Variants in TCTN3 observed in about 807,000 individuals in gnomAD.
The protein encoded by TCTN3 is tectonic-3.
TCTN3 carries 57 observed loss-of-function variants against 71.3 expected under a neutral mutation model. The ratio of observed to expected loss-of-function variants is 0.80; its 90% CI spans 0.65 to 1.00. TCTN3 has a LOEUF of 1.00. TCTN3 is among the 50% of genes least tolerant of loss of function. The pLI, the probability that TCTN3 is intolerant of heterozygous loss-of-function variation, is 0.00. For synonymous variants in TCTN3, 258 were observed against 267.8 expected, an observed-to-expected ratio of 0.96 and a Z score of 0.36; for missense variants, 696 against 719.9, an observed-to-expected ratio of 0.97 and a Z score of 0.38.
chr10:95,683,422 C>T, intron 10 of TCTN3, 100 bp downstream of exon 10: 1 of 1,590,476 alleles, frequency 6.3e-7, no homozygotes, highest in Admixed American at 1.8e-5. Flanking sequence ...TTATAATGAA[C>T]AAAAAATTCC....
At chr10:95,675,972 T>C (rs980976737) in intron 13 of TCTN3, among the ~76,000 whole-genome samples, 5 of 152,234 alleles carry the variant, frequency 3.3e-5, no homozygotes, top group Admixed American at 3.3e-4. Flanking sequence ...TAGTGTTAAA[T>C]AGATTCTCTC....
At chr10:95,672,930 T>A (rs2097933146) in intron 13 of TCTN3, among the ~76,000 whole-genome samples, 1 of 151,268 alleles carries the variant, frequency 6.6e-6, no homozygotes, top group Non-Finnish European at 1.5e-5. Flanking sequence ...TGACCTCAAG[T>A]GATCCGCTCA....
At chr10:95,682,475 C>T (rs553057096) in intron 12 of TCTN3, among the ~76,000 whole-genome samples, 176 bp downstream of exon 12, 15 of 151,606 alleles carry the variant, frequency 9.9e-5, no homozygotes, top group East Asian at 1.9e-4. Flanking sequence ...GCCAGGGCAA[C>T]ACAGTGAGAC....
chr10:95,679,917 A>C (rs1204718148), intron 13 of TCTN3, among the ~76,000 whole-genome samples: 1 of 152,204 alleles, frequency 6.6e-6, no homozygotes. Context: ...TGAAAATACC[A>C]TGTTTTTAAA....
In TCTN3 at chr10:95,672,844, C is replaced by T. The variant is rs919319379; in HGVS notation, c.1590+7628G>A. Among the ~76,000 whole-genome samples the T allele has an allele frequency of 2.0e-5, 3 of 151,936 alleles. No homozygotes were observed. In the East Asian group the frequency reaches 5.8e-4, roughly 29 times the overall value. On this transcript the variant is annotated intron_variant, in intron 13 of 13. Coordinates refer to ENST00000371217, the MANE Select transcript of TCTN3 (RefSeq NM_015631.6). ...AGTAGTTGGGACTACAGGCATGCGT[C>T]GCCATGCCCAGCAAATTTTTGTGTT...
chr10:95,663,890 A>T lies in TCTN3; in HGVS notation c.*177T>A. 1 of 603,386 alleles carries T rather than the reference A, an allele frequency of 1.7e-6. No homozygotes were observed. Among genetic ancestry groups the T allele is most frequent in the South Asian group, 2.0e-5 (1 of 48,966 alleles). The allele number at this position is 603,386 out of a possible 1,614,324, so 37.4% of individuals were successfully genotyped here. Reference sequence around the variant, plus strand: ...AAAGCAGAGAGCTATGATGAATAAAATATTTTTATTGCTTTTCTAAAATAA... The same window carrying T: ...AAAGCAGAGAGCTATGATGAATAAATTATTTTTATTGCTTTTCTAAAATAA... On this transcript the variant is annotated 3_prime_UTR_variant, in exon 14 of 14. Coordinates refer to ENST00000371217, the MANE Select transcript of TCTN3 (RefSeq NM_015631.6).
chr10:95,692,722 C>T, intron 3 of TCTN3, 198 bp downstream of exon 3: 1 of 552,480 alleles, frequency 1.8e-6, no homozygotes, highest in Non-Finnish European at 3.2e-6. Context: ...TGCAGCCCAA[C>T]AACACAAATT....
Position 95,683,109 on chromosome 10 carries a change from G to C in TCTN3, c.1290C>G (p.Cys430Trp). ...VQFGVNAISG[C>W]KLRLKKADCS... ...CGGAAGCAAAGAACTACCTGAGCTT[G>C]CATCCAGATATTGCATTCACTCCAA... The change falls in exon 11 of 14, where the codon TGC becomes TGG. Residue 430 changes from cysteine (C) to tryptophan (W), a missense_variant. Transcript: ENST00000371217. The C allele has an allele frequency of 1.9e-6, 3 of 1,613,522 alleles. No homozygotes were observed. Among genetic ancestry groups the C allele is most frequent in the Non-Finnish European group, 2.5e-6 (3 of 1,179,602 alleles).
chr10:95,693,072 G>A (rs1387647838), intron 2 of TCTN3, 34 bp from the exon 3 acceptor site: 7 of 1,520,424 alleles, frequency 4.6e-6, no homozygotes, highest in Non-Finnish European at 6.3e-6. Flanking sequence ...GATATATTTA[G>A]AAGGGGCGGG....
intron 13 of TCTN3, among the ~76,000 whole-genome samples, chr10:95,675,287 T>A (rs2097935863): frequency 6.6e-6 from 1 of 152,050 alleles, no homozygotes; most frequent in Non-Finnish European, 1.5e-5. Flanking sequence ...GAGACAGGGT[T>A]TTGCCGTTTT....
intron 13 of TCTN3, among the ~76,000 whole-genome samples, chr10:95,671,902 G>GT (rs1032494915): frequency 1.1e-4 from 16 of 151,798 alleles, no homozygotes; most frequent in Non-Finnish European, 2.2e-4. Context: ...GGCCTCTCAT[G>GT]TTTTTTTAAA....
chr10:95,691,586 A>C (rs936848156), intron 3 of TCTN3, among the ~76,000 whole-genome samples: 1 of 152,244 alleles, frequency 6.6e-6, no homozygotes, highest in Non-Finnish European at 1.5e-5. Context: ...TTCTGAGACA[A>C]ATATAGTTTT....
In TCTN3 at chr10:95,687,112, G is replaced by C. The variant is rs146945786; in HGVS notation, c.784C>G (p.Leu262Val). The C allele has an allele frequency of 6.2e-7, 1 of 1,614,128 alleles. No individual in the cohort carries two copies. Among genetic ancestry groups the C allele is most frequent in the Admixed American group, 1.7e-5 (1 of 60,006 alleles). ...STTCTRFFKNLASSCTLDSAL... is the reference protein window; with the variant it reads ...STTCTRFFKNVASSCTLDSAL... ...GAATCCAAGGTACAGCTACTAGCCA[G>C]GTTCTTGAAAAAACGAGTGCAAGTT... The change falls in exon 6 of 14, where the codon CTG (leucine) becomes GTG (valine). Residue 262 changes from leucine (L) to valine (V), a missense_variant. Coordinates refer to ENST00000371217, the MANE Select transcript of TCTN3 (RefSeq NM_015631.6).
At chr10:95,686,608 C>A (rs1322786440) in intron 6 of TCTN3, 78 bp from the exon 7 acceptor site, 8 of 1,449,362 alleles carry the variant, frequency 5.5e-6, no homozygotes, top group Middle Eastern at 1.7e-4. Context: ...ATATTACTAC[C>A]AATAGGCTTT....
rs749444440 is a variant in TCTN3 at position 95,693,860 on chromosome 10, G to A, written c.40C>T (p.Leu14=). The A allele has an allele frequency of 4.5e-6, 7 of 1,551,716 alleles. No homozygotes were observed. Among genetic ancestry groups the A allele is most frequent in the Non-Finnish European group, 5.2e-6 (6 of 1,147,004 alleles). ...GGCCGGACGCCATCGGGGAACACCA[G>A]AAAGAACACTTGCAGGAGCGCGAGC... ...PQLALLQVFF[L]VFPDGVRPQP... Residue 14 remains leucine (L), a synonymous_variant, in exon 1 of 14, where the codon CTG becomes TTG. Transcript: ENST00000371217.
At position 95,693,451 on chromosome 10, in the gene TCTN3, C is replaced by A. The variant is rs2097955591; in HGVS notation, c.282G>T (p.Leu94Phe). 3 of 1,552,080 alleles carry A rather than the reference C, an allele frequency of 1.9e-6. No individual in the cohort carries two copies. The highest frequency in any genetic ancestry group is 2.6e-6 in the Non-Finnish European group (3 of 1,147,118). Residue 94 changes from leucine (L) to phenylalanine (F), a missense_variant, in exon 2 of 14, where the codon TTG becomes TTT. Transcript: ENST00000371217. Reference sequence around the variant, plus strand: ...AATTTATATCGCAGGCTCCAGGAGTCAAGTCACAGACACAGATCGGTAAGA... The same window carrying A: ...AATTTATATCGCAGGCTCCAGGAGTAAAGTCACAGACACAGATCGGTAAGA... ...FPVLPICVCD[L>F]TPGACDINCC...
intron 13 of TCTN3, among the ~76,000 whole-genome samples, chr10:95,676,155 T>C (rs963558660): frequency 1.3e-5 from 2 of 152,190 alleles, no homozygotes; most frequent in African/African-American, 4.8e-5. Flanking sequence ...ATGTATCCTC[T>C]GAAAGTGTTT....
rs530546246 is a variant in TCTN3, at chr10:95,666,871, T to C, written c.1591-2571A>G. ...GGTCTCATGATGGAAGAGTGTGGTA[T>C]TGAACACTGCTATACACCCAAATCA... On this transcript the variant is annotated intron_variant, in intron 13 of 13. Coordinates refer to ENST00000371217, the MANE Select transcript of TCTN3 (RefSeq NM_015631.6). Among the ~76,000 whole-genome samples, 5 of 152,330 alleles carry C rather than the reference T, an allele frequency of 3.3e-5. No individual in the cohort carries two copies. In the South Asian group the frequency reaches 6.2e-4, roughly 19 times the overall value.
chr10:95,693,896 G>T lies in TCTN3; in HGVS notation c.4C>A (p.Arg2Ser), dbSNP rs1359121286. The T allele has an allele frequency of 6.4e-7, 1 of 1,551,504 alleles. No homozygotes were observed. The highest frequency in any genetic ancestry group is 1.2e-5 in the South Asian group (1 of 84,066). The change falls in exon 1 of 14, where the codon CGC becomes AGC. Residue 2 changes from arginine (R) to serine (S), a missense_variant. Arg to Ser is a moderately radical substitution (Grantham distance 110). Transcript: ENST00000371217. M[R>S]TPQLALLQVF... is the part of the protein sequence containing the mutation. ...TGCAGGAGCGCGAGCTGTGGGGTGC[G>T]CATGGGGCATTCAGGGCCTCCGGGT...
Sources: allele counts gnomAD v4.1 joint callset (sites outside exome capture counted in the v4.1 genomes callset), GRCh38; gene constraint gnomAD v4.1.1; transcripts MANE v1.5; gene names NCBI Gene and HGNC (gene_info 2026-07-23, HGNC 2026-07-21).